The following SH3GL2 variants were observed in gnomAD, a reference collection of about 807,000 sequenced individuals.
SH3GL2 encodes SH3 domain containing GRB2 like 2, endophilin A1.
In SH3GL2, 24 loss-of-function variants were observed where a neutral mutation model predicts 46.0. The ratio of observed to expected loss-of-function variants is 0.52; its 90% CI spans 0.38 to 0.73. The LOEUF (loss-of-function observed/expected upper bound fraction) is 0.73, where lower values mean the gene tolerates loss of function less well. Among genes scored for constraint, SH3GL2 ranks in the 30% least tolerant of loss-of-function variants. The pLI is 0.00. For missense variants in SH3GL2, 413 were observed against 424.2 expected, an observed-to-expected ratio of 0.97 and a Z score of 0.23; for synonymous variants, 196 against 147.1, an observed-to-expected ratio of 1.33 and a Z score of -2.40.
At chr9:17,790,335 A>G (rs191526584) in intron 6 of SH3GL2, 1 of 421,956 alleles carries the variant, frequency 2.4e-6, no homozygotes, top group African/African-American at 2.2e-5. Context: ...TTTACCAGCT[A>G]TCTGGGGATC....
rs575330018 is a variant in SH3GL2, at chr9:17,728,591, A to G, written c.46-18475A>G. Among the ~76,000 whole-genome samples, 6 of 152,190 alleles carry G rather than the reference A, an allele frequency of 3.9e-5. No homozygotes were observed. The South Asian group carries it at 6.2e-4, about 16-fold the overall frequency. On this transcript the variant is annotated intron_variant, in intron 1 of 8. Coordinates refer to ENST00000380607, the MANE Select transcript of SH3GL2 (RefSeq NM_003026.5). ...TGCTGCACCCATCAGCCTGTCATCT[A>G]CATTAGGTATTTCTCCTAATGCTAT...
At chr9:17,639,373 A>G (rs1225380308) in intron 1 of SH3GL2, among the ~76,000 whole-genome samples, 1 of 152,222 alleles carries the variant, frequency 6.6e-6, no homozygotes, top group Non-Finnish European at 1.5e-5. Flanking sequence ...ACAACCCAAT[A>G]AAAATATAGA....
chr9:17,755,304 G>C (rs1452111315), intron 2 of SH3GL2, among the ~76,000 whole-genome samples: 1 of 152,164 alleles, frequency 6.6e-6, no homozygotes, highest in African/African-American at 2.4e-5. Flanking sequence ...ATTTGCATAT[G>C]TTGAACCAAC....
chr9:17,598,876 G>A (rs557028873), intron 1 of SH3GL2, among the ~76,000 whole-genome samples: 8 of 152,026 alleles, frequency 5.3e-5, no homozygotes, highest in East Asian at 1.9e-4. Flanking sequence ...AATAATACAC[G>A]GTATTAATGG....
intron 3 of SH3GL2, among the ~76,000 whole-genome samples, chr9:17,781,266 G>A (rs1823798973): frequency 1.2e-5 from 1 of 83,520 alleles, no homozygotes; most frequent in Non-Finnish European, 2.4e-5. Context: ...TTTTTTGGCT[G>A]CATAAATGTC....
chr9:17,678,904 C>A lies in SH3GL2; in HGVS notation c.46-68162C>A, dbSNP rs143621042. Among the ~76,000 whole-genome samples the A allele has an allele frequency of 3.7e-3, 564 of 152,220 alleles. 2 individuals carry two copies. Among genetic ancestry groups the A allele is most frequent in the Non-Finnish European group, 5.2e-3 (357 of 68,018 alleles). ...TAAATAGGGAATCCTTTCCCCATTT[C>A]TTGTTTTTGTCAGATTTGTCAAAGA... On this transcript the variant is annotated intron_variant, in intron 1 of 8. Coordinates refer to ENST00000380607, the MANE Select transcript of SH3GL2 (RefSeq NM_003026.5).
chr9:17,654,033 G>C (rs1820013707), intron 1 of SH3GL2, among the ~76,000 whole-genome samples: 1 of 152,130 alleles, frequency 6.6e-6, no homozygotes. Context: ...AGCATTTTAA[G>C]CTTTGACTTT....
At chr9:17,689,472 TA>T (rs922348222) in intron 1 of SH3GL2, among the ~76,000 whole-genome samples, 2 of 152,094 alleles carry the variant, frequency 1.3e-5, no homozygotes, top group African/African-American at 4.8e-5. Context: ...ACAGTGCTAA[TA>T]AGAGGGGACA....
chr9:17,794,910 T>TA (rs1824235481), intron 8 of SH3GL2, among the ~76,000 whole-genome samples: 2 of 152,252 alleles, frequency 1.3e-5, no homozygotes, highest in Non-Finnish European at 2.9e-5. Flanking sequence ...GTCCTACTGT[T>TA]ACATCCAATT....
intron 1 of SH3GL2, among the ~76,000 whole-genome samples, chr9:17,608,199 G>C (rs1473572608): frequency 1.4e-5 from 2 of 144,842 alleles, no homozygotes; most frequent in Non-Finnish European, 1.5e-5. Flanking sequence ...CCAGGCTGGA[G>C]TGCAGTGGCA....
chr9:17,762,705 T>C (rs1308929307), intron 3 of SH3GL2, among the ~76,000 whole-genome samples: 1 of 152,224 alleles, frequency 6.6e-6, no homozygotes, highest in East Asian at 1.9e-4. Flanking sequence ...GTGGTCTAGA[T>C]ACATTTTCAA....
In SH3GL2 at chr9:17,796,454, C is replaced by A. The variant is rs1026314598; in HGVS notation, c.*711C>A. The A allele has an allele frequency of 6.6e-6, 1 of 151,992 alleles. No individual in the cohort carries two copies. The highest frequency in any genetic ancestry group is 1.5e-5 in the Non-Finnish European group (1 of 68,026). The allele number at this position is 151,992 out of a possible 1,614,324, so 9.4% of individuals were successfully genotyped here. A position where few individuals can be genotyped will look rare whatever the true frequency, so the allele number is the denominator to read the frequency against. ...GTGAGAGGGACTGAAAAGAAATTCTCCATTATGAGGAATTGGGAAGAAATC... is the reference window on the plus strand; with the variant it reads ...GTGAGAGGGACTGAAAAGAAATTCTACATTATGAGGAATTGGGAAGAAATC... On this transcript the variant is annotated 3_prime_UTR_variant, in exon 9 of 9. Coordinates refer to ENST00000380607, the MANE Select transcript of SH3GL2 (RefSeq NM_003026.5).
chr9:17,595,281 G>C (rs529514687), intron 1 of SH3GL2, among the ~76,000 whole-genome samples: 1 of 151,954 alleles, frequency 6.6e-6, no homozygotes, highest in African/African-American at 2.4e-5. Flanking sequence ...AAGAAGACGC[G>C]AACACTTTAG....
intron 1 of SH3GL2, among the ~76,000 whole-genome samples, chr9:17,630,970 G>A (rs557844137): frequency 5.9e-5 from 9 of 151,936 alleles, no homozygotes; most frequent in Non-Finnish European, 8.9e-5. Flanking sequence ...TTCAGCATAA[G>A]GATCCAATTA....
intron 1 of SH3GL2, among the ~76,000 whole-genome samples, chr9:17,686,024 A>C (rs1375910443): frequency 7.1e-5 from 10 of 140,548 alleles, no homozygotes; most frequent in Admixed American, 2.8e-4. Context: ...AATGGGAGAA[A>C]ATTTTTGCAA....
intron 1 of SH3GL2, among the ~76,000 whole-genome samples, chr9:17,619,831 T>C (rs1563784994): frequency 6.6e-6 from 1 of 151,988 alleles, no homozygotes. Flanking sequence ...ATTATTTCTT[T>C]AGAGAATGTT....
intron 1 of SH3GL2, among the ~76,000 whole-genome samples, chr9:17,591,624 T>C (rs1447432051): frequency 6.6e-6 from 1 of 152,212 alleles, no homozygotes; most frequent in East Asian, 1.9e-4. Context: ...GTTTTACTTG[T>C]ATTGTGTAGT....
intron 3 of SH3GL2, 93 bp from the exon 4 acceptor site, chr9:17,786,288 T>C (rs1285314724): frequency 8.4e-7 from 1 of 1,192,574 alleles, no homozygotes; most frequent in African/African-American, 1.5e-5. Flanking sequence ...TGAGCTACTT[T>C]GTAGGCTGCT....
chr9:17,777,582 T>G (rs556587349), intron 3 of SH3GL2, among the ~76,000 whole-genome samples: 1 of 152,108 alleles, frequency 6.6e-6, no homozygotes, highest in Non-Finnish European at 1.5e-5. Context: ...TAGTCCAAGA[T>G]CAAGTTGCTT....
Sources: allele counts gnomAD v4.1 joint callset (sites outside exome capture counted in the v4.1 genomes callset), GRCh38; gene constraint gnomAD v4.1.1; transcripts MANE v1.5; gene names NCBI Gene and HGNC (gene_info 2026-07-23, HGNC 2026-07-21).